Variants in PRKCB observed in about 807,000 individuals in gnomAD.
The protein encoded by PRKCB is protein kinase C beta type.
In PRKCB, 13 loss-of-function variants were observed where a neutral mutation model predicts 81.5. The ratio of observed to expected loss-of-function variants is 0.16; its 90% CI spans 0.10 to 0.25. PRKCB has a LOEUF of 0.25. Ranked by LOEUF, PRKCB falls within the 10% of genes least tolerant of loss-of-function variation. The pLI is 1.00. For synonymous variants in PRKCB, 335 were observed against 321.4 expected, an observed-to-expected ratio of 1.04 and a Z score of -0.45; for missense variants, 509 against 875.7, an observed-to-expected ratio of 0.58 and a Z score of 5.29.
chr16:24,124,775 T>C (rs1966839744), intron 9 of PRKCB, among the ~76,000 whole-genome samples: 1 of 152,188 alleles, frequency 6.6e-6, no homozygotes, highest in Admixed American at 6.5e-5. Context: ...TATAAATTTC[T>C]TTTCCATCTA....
chr16:24,073,119 A>G (rs1238836947), intron 5 of PRKCB, among the ~76,000 whole-genome samples: 2 of 152,188 alleles, frequency 1.3e-5, no homozygotes, highest in Non-Finnish European at 2.9e-5. Flanking sequence ...CTGATAATGA[A>G]AAGGTGAATG....
chr16:24,155,652 T>C (rs1196235717), intron 10 of PRKCB, among the ~76,000 whole-genome samples: 1 of 152,224 alleles, frequency 6.6e-6, no homozygotes, highest in Non-Finnish European at 1.5e-5. Flanking sequence ...CTCAACTTAC[T>C]GAGTAGAGTG....
At chr16:24,160,527 G>A (rs1967238564) in intron 10 of PRKCB, among the ~76,000 whole-genome samples, 2 of 150,842 alleles carry the variant, frequency 1.3e-5, no homozygotes, top group African/African-American at 5.0e-5. Context: ...GGGTATTACT[G>A]CCTGTATGCT....
intron 2 of PRKCB, among the ~76,000 whole-genome samples, chr16:23,890,517 C>G (rs942555465): frequency 6.6e-6 from 1 of 152,162 alleles, no homozygotes; most frequent in African/African-American, 2.4e-5. Context: ...TGACCCTTGC[C>G]CCACTGAAGA....
intron 2 of PRKCB, among the ~76,000 whole-genome samples, chr16:23,843,225 TAA>T (rs1197912632): frequency 6.6e-6 from 1 of 152,288 alleles, no homozygotes; most frequent in East Asian, 1.9e-4. Flanking sequence ...AGTAAAATCA[TAA>T]AGAGGTCCAT....
chr16:24,103,589 A>G (rs381817), intron 7 of PRKCB, among the ~76,000 whole-genome samples: 66,596 of 152,036 alleles, frequency 0.44, 16,062 homozygotes, highest in Non-Finnish European at 0.54. Flanking sequence ...CACGGGATAC[A>G]TGTACAAATT....
chr16:24,021,188 C>T (rs565977518), intron 3 of PRKCB, among the ~76,000 whole-genome samples: 3 of 62,120 alleles, frequency 4.8e-5, no homozygotes, highest in African/African-American at 2.2e-4. Context: ...CCCTTCCTTC[C>T]TCTTTCTTTC....
chr16:23,848,627 A>G (rs988701486), intron 2 of PRKCB, among the ~76,000 whole-genome samples: 11 of 152,218 alleles, frequency 7.2e-5, no homozygotes, highest in Non-Finnish European at 1.3e-4. Context: ...GCTGTCACCC[A>G]GTGGGTACGT....
chr16:24,207,496 A>G (rs1213771490), intron 16 of PRKCB, among the ~76,000 whole-genome samples: 2 of 152,230 alleles, frequency 1.3e-5, no homozygotes, highest in Non-Finnish European at 2.9e-5. Context: ...ACATTTGTGT[A>G]TATAATTTAT....
intron 2 of PRKCB, among the ~76,000 whole-genome samples, chr16:23,986,172 T>C: frequency 6.6e-6 from 1 of 152,216 alleles, no homozygotes; most frequent in East Asian, 1.9e-4. Context: ...CTGTTTGAGG[T>C]GTACTTGGAC....
rs1040589265 is a variant in PRKCB at position 24,072,761 on chromosome 16, T to C, written c.530-20030T>C. 3.3e-5 allele frequency among the ~76,000 whole-genome samples: 5 copies of C among 152,214 alleles called. No individual in the cohort carries two copies. The East Asian group carries it at 7.7e-4, about 24-fold the overall frequency. ...CAGACCGAGCTAATTTTTGTATTTT[T>C]AGTAGAGACGGGGTTTCACCATGTT... On this transcript the variant is annotated intron_variant, in intron 5 of 16. Transcript: ENST00000643927.
chr16:23,886,324 T>C (rs1469401510), intron 2 of PRKCB, among the ~76,000 whole-genome samples: 1 of 151,958 alleles, frequency 6.6e-6, no homozygotes, highest in African/African-American at 2.4e-5. Flanking sequence ...CAAATCCCTG[T>C]CTGTGGGACT....
Position 23,900,718 on chromosome 16 carries a change from G to GTTTTT in PRKCB, c.205+63340_205+63344dup, listed in dbSNP as rs56897816. Among the ~76,000 whole-genome samples the GTTTTT allele has an allele frequency of 5.1e-3, 316 of 62,264 alleles. 30 individuals are homozygous for GTTTTT. Among genetic ancestry groups the GTTTTT allele is most frequent in the African/African-American group, 0.02 (282 of 14,274 alleles). The allele number at this position is 62,264 out of a possible 152,430, so 40.8% of individuals were successfully genotyped here. On this transcript the variant is annotated intron_variant, in intron 2 of 16. Coordinates refer to ENST00000643927, the MANE Select transcript of PRKCB (RefSeq NM_002738.7). ...CTCATTCATTTTAACAGCTGCACAG[G>GTTTTT]TTTTTTTTTTTTTTTTTTTTTTTTT... is the stretch of plus-strand genomic sequence containing the variant.
intron 7 of PRKCB, among the ~76,000 whole-genome samples, 161 bp from the exon 8 acceptor site, chr16:24,112,812 C>T (rs1456551134): frequency 1.4e-5 from 2 of 146,278 alleles, no homozygotes. Flanking sequence ...GCACACTACC[C>T]CCACCCAACA....
intron 2 of PRKCB, among the ~76,000 whole-genome samples, chr16:23,910,162 C>A (rs1238325949): frequency 1.3e-5 from 2 of 152,158 alleles, no homozygotes; most frequent in Non-Finnish European, 1.5e-5. Flanking sequence ...TGCCTCCTGG[C>A]TTCCCAGTGT....
chr16:24,045,376 T>C (rs1209974988), intron 5 of PRKCB, among the ~76,000 whole-genome samples: 1 of 152,126 alleles, frequency 6.6e-6, no homozygotes, highest in African/African-American at 2.4e-5. Flanking sequence ...CCGAGTTTCA[T>C]GGTGTTTGAT....
At chr16:24,179,084 C>T (rs555294779) in intron 12 of PRKCB, among the ~76,000 whole-genome samples, 1 of 152,300 alleles carries the variant, frequency 6.6e-6, no homozygotes, top group East Asian at 1.9e-4. Context: ...ACCTGAACAA[C>T]CCCAATGTAA....
intron 3 of PRKCB, among the ~76,000 whole-genome samples, chr16:23,993,231 G>A (rs1364443283): frequency 6.6e-6 from 1 of 152,128 alleles, no homozygotes; most frequent in Non-Finnish European, 1.5e-5. Flanking sequence ...TGATATTAAG[G>A]GGGTAGGATA....
At chr16:23,847,131 C>T (rs184416405) in intron 2 of PRKCB, among the ~76,000 whole-genome samples, 3 of 152,180 alleles carry the variant, frequency 2.0e-5, no homozygotes, top group East Asian at 3.9e-4. Context: ...TAGCTGTGTT[C>T]CTGGGGTGAA....
Sources: allele counts gnomAD v4.1 joint callset (sites outside exome capture counted in the v4.1 genomes callset), GRCh38; gene constraint gnomAD v4.1.1; transcripts MANE v1.5; gene names NCBI Gene and HGNC (gene_info 2026-07-23, HGNC 2026-07-21).